Variants in RAB36 observed in about 807,000 individuals in gnomAD.
RAB36 encodes the protein RAB36, member RAS oncogene family, also known as ras-related protein Rab-36.
A neutral mutation model predicts 39.3 loss-of-function variants in RAB36; 33 were observed. The observed-to-expected ratio is 0.84, with a 90% CI of 0.64 to 1.12. The LOEUF (loss-of-function observed/expected upper bound fraction) is 1.12. Among genes scored for constraint, RAB36 ranks in the 50% most tolerant of loss-of-function variants. The pLI, the probability that RAB36 is intolerant of heterozygous loss-of-function variation, is 0.00. For synonymous variants in RAB36, 133 were observed against 140.2 expected, an observed-to-expected ratio of 0.95 and a Z score of 0.36; for missense variants, 308 against 355.3, an observed-to-expected ratio of 0.87 and a Z score of 1.07.
chr22:23,161,680 C>A lies in RAB36; in HGVS notation c.*116C>A. ...CAGCGTGTCGCCCTCAAGCTGTAGG[C>A]CCATGTTCCAGTCCCTCCACCCACC... On this transcript the variant is annotated 3_prime_UTR_variant, in exon 11 of 11. Coordinates refer to ENST00000263116, the MANE Select transcript of RAB36 (RefSeq NM_004914.5). 3.2e-6 allele frequency: 3 copies of A among 944,006 alleles called. No homozygotes were observed. Among genetic ancestry groups the A allele is most frequent in the South Asian group, 1.6e-5 (1 of 61,712 alleles). 58.5% of individuals were successfully genotyped at this position (944,006 alleles called of 1,614,324 possible).
rs553015426 is a variant in RAB36 at position 23,152,404 on chromosome 22, T to C, written c.162-57T>C. ...GCTCAGGGAAGGAAGGGGCTGTGAG[T>C]GTCTGAAGACACCCTGGAAGGCATG... On this transcript the variant is annotated intron_variant, in intron 3 of 10. Coordinates refer to ENST00000263116, the MANE Select transcript of RAB36 (RefSeq NM_004914.5). 4.5e-5 allele frequency: 71 copies of C among 1,570,544 alleles called. No individual in the cohort carries two copies. In the African/African-American group the frequency reaches 9.0e-4, roughly 20 times the overall value.
chr22:23,153,807 G>T lies in RAB36; in HGVS notation c.329+673G>T, dbSNP rs187868445. Reference sequence around the variant, plus strand: ...CACTTCAAGCGAATCACCTGCCTCAGCCTCCCAAGTAGGACAACAGCTGTG... The same window carrying T: ...CACTTCAAGCGAATCACCTGCCTCATCCTCCCAAGTAGGACAACAGCTGTG... On this transcript the variant is annotated intron_variant, in intron 5 of 10. Coordinates refer to ENST00000263116, the MANE Select transcript of RAB36 (RefSeq NM_004914.5). Among the ~76,000 whole-genome samples the T allele has an allele frequency of 7.6e-4, 111 of 146,970 alleles. 1 individual carries two copies. Among genetic ancestry groups the T allele is most frequent in the African/African-American group, 2.6e-3 (104 of 39,380 alleles).
chr22:23,159,172 G>A lies in RAB36; in HGVS notation c.538G>A (p.Ala180Thr), dbSNP rs377223279. The change falls in exon 9 of 11, where the codon GCA becomes ACA. Residue 180 changes from alanine to threonine, a missense_variant. By Grantham distance (58) the Ala-to-Thr change is moderately conservative. Coordinates refer to ENST00000263116, the MANE Select transcript of RAB36 (RefSeq NM_004914.5). The part of the protein sequence containing the change: ...GTKKDLLSGA[A>T]CEQAEADAVH... ...GGGCCATTTCTCCCAGTCAGGGGCC[G>A]CATGTGAGCAGGCCGAAGCAGACGC... The A allele has an allele frequency of 1.1e-5, 17 of 1,610,788 alleles. No homozygotes were observed. Among genetic ancestry groups the A allele is most frequent in the South Asian group, 4.4e-5 (4 of 90,458 alleles).
At chr22:23,156,248 G>A (rs1196192391) in intron 6 of RAB36, 1 of 508,002 alleles carries the variant, frequency 2.0e-6, no homozygotes, top group South Asian at 2.2e-5. Flanking sequence ...GGACCCTGTG[G>A]TAGTGGGTGC....
chr22:23,156,319 T>C, intron 6 of RAB36: 5 of 330,334 alleles, frequency 1.5e-5, no homozygotes, highest in South Asian at 1.3e-4. Flanking sequence ...AAAGTGCTTT[T>C]CCAGAGGCTC....
rs1448045888 is a variant in RAB36, at chr22:23,145,502, G to A, written c.-62G>A. ...GTTGCCATGGTGATCGCCGCCGCTG[G>A]CTCAGGCGGACCAGGCCGCGCGGAG... On this transcript the variant is annotated 5_prime_UTR_variant, in exon 1 of 11. Transcript: ENST00000263116. 7 of 1,606,688 alleles carry A rather than the reference G, an allele frequency of 4.4e-6. No individual in the cohort carries two copies. Among genetic ancestry groups the A allele is most frequent in the East Asian group, 2.2e-5 (1 of 44,890 alleles).
In RAB36 at chr22:23,164,377, A is replaced by C. The variant is rs1235257993; in HGVS notation, c.*2813A>C. The stretch of plus-strand genomic sequence containing the variant: ...GCAATGTGCCAGCTGATTCCCACAC[A>C]CCCTGACTGACATAGTTGTGGCCTC... On this transcript the variant is annotated 3_prime_UTR_variant, in exon 11 of 11. Coordinates refer to ENST00000263116, the MANE Select transcript of RAB36 (RefSeq NM_004914.5). The C allele has an allele frequency of 6.6e-6, 1 of 152,054 alleles. No homozygotes were observed. The highest frequency in any genetic ancestry group is 1.5e-5 in the Non-Finnish European group (1 of 68,030). The allele number at this position is 152,054 out of a possible 1,614,324, so 9.4% of individuals were successfully genotyped here. A position where few individuals can be genotyped will look rare whatever the true frequency, so the allele number is the denominator to read the frequency against.
At chr22:23,156,182 A>G (rs1389660058) in intron 6 of RAB36, 150 bp downstream of exon 6, 1 of 558,580 alleles carries the variant, frequency 1.8e-6, no homozygotes, top group African/African-American at 2.0e-5. Flanking sequence ...GCTTGGGAAC[A>G]GGGAAGCTGC....
intron 1 of RAB36, 67 bp downstream of exon 1, chr22:23,145,618 G>A: frequency 6.6e-7 from 1 of 1,504,404 alleles, no homozygotes; most frequent in South Asian, 1.2e-5. Flanking sequence ...ACATCCCGAG[G>A]CCAGGGCCGC....
chr22:23,153,146 G>GT lies in RAB36; in HGVS notation c.329+14dup. 1 of 1,606,698 alleles carries GT rather than the reference G, an allele frequency of 6.2e-7. No individual in the cohort carries two copies. The highest frequency in any genetic ancestry group is 1.1e-5 in the South Asian group (1 of 90,962). ...TATAGCCTCCAGATGTAAGTTGCTG[G>GT]TTCCCCCATGGCTCGTGGGCAGCTT... On this transcript the variant is annotated intron_variant, in intron 5 of 10. Coordinates refer to ENST00000263116, the MANE Select transcript of RAB36 (RefSeq NM_004914.5).
intron 3 of RAB36, 72 bp downstream of exon 3, chr22:23,150,226 T>G: frequency 8.3e-7 from 1 of 1,211,288 alleles, no homozygotes; most frequent in Non-Finnish European, 1.2e-6. Flanking sequence ...CGTGAAAGAA[T>G]GAACAAATGA....
At chr22:23,157,714 G>T (rs1262892063) in intron 6 of RAB36, among the ~76,000 whole-genome samples, 3 of 152,214 alleles carry the variant, frequency 2.0e-5, no homozygotes, top group African/African-American at 7.2e-5. Flanking sequence ...GGCAGAGGGT[G>T]TCTGACGCTA....
chr22:23,157,518 C>T (rs187042080), intron 6 of RAB36, among the ~76,000 whole-genome samples: 99 of 152,262 alleles, frequency 6.5e-4, no homozygotes, highest in Non-Finnish European at 6.2e-4. Context: ...CTCAGCCTCC[C>T]AAAGTGCTGG....
At chr22:23,168,385 G>T (rs1266249286), downstream of RAB36, among the ~76,000 whole-genome samples, 1 of 152,216 alleles carries the variant, frequency 6.6e-6, no homozygotes, top group African/African-American at 2.4e-5. Context: ...GATGAGAGAA[G>T]ACATGTGGGG....
chr22:23,165,069 G>T lies in RAB36; in HGVS notation c.*3505G>T, dbSNP rs534027915. ...GCACTTGATACCTTGAGTGTGATTG[G>T]TCACATCTGGGCTTTCTCCCCCACC... On this transcript the variant is annotated 3_prime_UTR_variant, in exon 11 of 11. Coordinates refer to ENST00000263116, the MANE Select transcript of RAB36 (RefSeq NM_004914.5). Among the ~76,000 whole-genome samples the T allele has an allele frequency of 6.6e-6, 1 of 152,246 alleles. No individual in the cohort carries two copies. The highest frequency in any genetic ancestry group is 1.9e-4 in the East Asian group (1 of 5,184).
rs987891287 is a variant in RAB36 at position 23,164,583 on chromosome 22, C to A, written c.*3019C>A. On this transcript the variant is annotated 3_prime_UTR_variant, in exon 11 of 11. Transcript: ENST00000263116. Reference sequence around the variant, plus strand: ...AAGACATTTCCTTCTTTCCCAGCATCGGGCAGTAAGTTTCCTGGGCAGAGG... The same window carrying A: ...AAGACATTTCCTTCTTTCCCAGCATAGGGCAGTAAGTTTCCTGGGCAGAGG... Among the ~76,000 whole-genome samples the A allele has an allele frequency of 6.6e-6, 1 of 152,174 alleles. No individual in the cohort carries two copies. Among genetic ancestry groups the A allele is most frequent in the African/African-American group, 2.4e-5 (1 of 41,438 alleles).
intron 5 of RAB36, 45 bp downstream of exon 5, chr22:23,153,179 G>C: frequency 1.4e-6 from 2 of 1,438,968 alleles, no homozygotes; most frequent in Non-Finnish European, 2.0e-6. Context: ...CTTCCTACAG[G>C]CACCTGAGAA....
intron 5 of RAB36, among the ~76,000 whole-genome samples, chr22:23,155,668 A>C (rs1291569099): frequency 6.6e-6 from 1 of 152,214 alleles, no homozygotes; most frequent in Non-Finnish European, 1.5e-5. Context: ...CGTATGTTCC[A>C]TTTTAATGTC....
Position 23,163,612 on chromosome 22 carries a change from C to CCCCG in RAB36, c.*2051_*2052insGCCC, listed in dbSNP as rs1163796432. The CCCCG allele has an allele frequency of 6.8e-6, 1 of 147,652 alleles. No homozygotes were observed. Among genetic ancestry groups the CCCCG allele is most frequent in the African/African-American group, 2.4e-5 (1 of 40,822 alleles). The allele number at this position is 147,652 out of a possible 1,614,324, so 9.1% of individuals were successfully genotyped here. The stretch of plus-strand genomic sequence containing the variant: ...TATAAAATACAAGGTGAAAGCCCCC[C>CCCCG]CCCCGCCACATTAGCTGCGCCCCTG... On this transcript the variant is annotated 3_prime_UTR_variant, in exon 11 of 11. Transcript: ENST00000263116.
Sources: allele counts gnomAD v4.1 joint callset (sites outside exome capture counted in the v4.1 genomes callset), GRCh38; gene constraint gnomAD v4.1.1; transcripts MANE v1.5; gene names NCBI Gene and HGNC (gene_info 2026-07-23, HGNC 2026-07-21).